CPED1: variants seen among roughly 807,000 people sequenced by gnomAD.
The protein encoded by CPED1 is cadherin-like and PC-esterase domain-containing protein 1.
In CPED1, 114 loss-of-function variants were observed where a neutral mutation model predicts 128.2. That is an observed-to-expected ratio of 0.89 (90% CI 0.76 to 1.04). CPED1 has a LOEUF of 1.04. CPED1 is among the 50% of genes least tolerant of loss of function. The pLI is 0.00. For missense variants in CPED1, 1,211 were observed against 1,207.1 expected, an observed-to-expected ratio of 1.00 and a Z score of -0.05; for synonymous variants, 462 against 426.7, an observed-to-expected ratio of 1.08 and a Z score of -1.02.
intron 16 of CPED1, among the ~76,000 whole-genome samples, chr7:121,190,161 A>G (rs9640799): frequency 0.62 from 94,392 of 151,738 alleles, 29,712 homozygotes; most frequent in East Asian, 0.89. Flanking sequence ...AGTGATGAGA[A>G]AAGCCCATTT....
intron 22 of CPED1, among the ~76,000 whole-genome samples, chr7:121,273,337 C>T (rs913049170): frequency 6.6e-6 from 1 of 151,930 alleles, no homozygotes; most frequent in African/African-American, 2.4e-5. Flanking sequence ...AGCCTGCCAG[C>T]ATGGTGAAAC....
chr7:121,093,592 C>T (rs1663726805), intron 5 of CPED1, among the ~76,000 whole-genome samples: 1 of 152,156 alleles, frequency 6.6e-6, no homozygotes, highest in Non-Finnish European at 1.5e-5. Context: ...ACTGCATCCA[C>T]AGGGCAACCT....
intron 4 of CPED1, among the ~76,000 whole-genome samples, chr7:121,055,707 A>T (rs1429252117): frequency 6.6e-6 from 1 of 151,794 alleles, no homozygotes; most frequent in Non-Finnish European, 1.5e-5. Context: ...CAAGGCCCAT[A>T]GTCAATACTT....
At position 121,265,780 on chromosome 7, in the gene CPED1, G is replaced by A. The variant is rs117640281; in HGVS notation, c.2311-447G>A. Among the ~76,000 whole-genome samples, 1,242 of 152,120 alleles carry A rather than the reference G, an allele frequency of 8.2e-3. 7 individuals are homozygous for A. Among genetic ancestry groups the A allele is most frequent in the Non-Finnish European group, 0.014 (932 of 67,954 alleles). On this transcript the variant is annotated intron_variant, in intron 18 of 22. Transcript: ENST00000310396. ...CAGAAAATTAGATTCTGGTTCTGTGGTTCTTTCGTCAAGTAGACACGACCT... is the reference window on the plus strand; with the variant it reads ...CAGAAAATTAGATTCTGGTTCTGTGATTCTTTCGTCAAGTAGACACGACCT...
intron 2 of CPED1, among the ~76,000 whole-genome samples, chr7:120,996,571 CT>C (rs1178439385): frequency 2.6e-5 from 4 of 152,072 alleles, no homozygotes; most frequent in African/African-American, 9.7e-5. Context: ...CATGGTGCTC[CT>C]TTTTTAGCTC....
chr7:121,086,496 A>G (rs1267310110), intron 5 of CPED1, among the ~76,000 whole-genome samples: 1 of 152,216 alleles, frequency 6.6e-6, no homozygotes, highest in Non-Finnish European at 1.5e-5. Flanking sequence ...GAAAGTATAC[A>G]AACTGGAAAG....
chr7:121,112,105 C>T (rs925531631), intron 7 of CPED1, among the ~76,000 whole-genome samples: 3 of 152,070 alleles, frequency 2.0e-5, no homozygotes, highest in African/African-American at 7.2e-5. Context: ...TACACAGTGG[C>T]AGTTTCAGGA....
intron 18 of CPED1, among the ~76,000 whole-genome samples, chr7:121,256,730 G>T (rs2116724078): frequency 6.6e-6 from 1 of 151,944 alleles, no homozygotes; most frequent in East Asian, 1.9e-4. Context: ...CCTTCCCAAA[G>T]GAAATAAATT....
chr7:121,139,642 T>C (rs1478851621), intron 14 of CPED1, among the ~76,000 whole-genome samples: 2 of 152,090 alleles, frequency 1.3e-5, no homozygotes, highest in Non-Finnish European at 2.9e-5. Flanking sequence ...GTTTGCCTTA[T>C]TGGGAGCTTG....
At chr7:121,049,139 A>C (rs903800078) in intron 4 of CPED1, among the ~76,000 whole-genome samples, 3 of 152,212 alleles carry the variant, frequency 2.0e-5, no homozygotes, top group African/African-American at 4.8e-5. Context: ...TGCCATACTC[A>C]TAAAGATGTA....
chr7:121,291,348 T>G (rs1335810001), intron 22 of CPED1, among the ~76,000 whole-genome samples: 1 of 152,258 alleles, frequency 6.6e-6, no homozygotes, highest in Non-Finnish European at 1.5e-5. Context: ...AAGTCAATGG[T>G]TCCTTGATGG....
intron 4 of CPED1, among the ~76,000 whole-genome samples, chr7:121,049,385 T>A (rs933697129): frequency 7.2e-5 from 11 of 152,320 alleles, no homozygotes; most frequent in African/African-American, 2.6e-4. Context: ...TTTTGCCATA[T>A]CACAGACCTG....
chr7:120,992,213 G>A (rs1035122524), intron 2 of CPED1, among the ~76,000 whole-genome samples: 3 of 152,094 alleles, frequency 2.0e-5, no homozygotes, highest in African/African-American at 7.2e-5. Context: ...TGAAAACCTA[G>A]AATTAGCTTT....
At chr7:121,066,606 A>G (rs1014873489) in intron 5 of CPED1, among the ~76,000 whole-genome samples, 3 of 42,842 alleles carry the variant, frequency 7.0e-5, no homozygotes, top group African/African-American at 1.2e-4. Flanking sequence ...AAAACTGTGA[A>G]GATCTTACCC....
At chr7:121,066,171 C>T (rs1435521864) in intron 5 of CPED1, among the ~76,000 whole-genome samples, 1 of 152,026 alleles carries the variant, frequency 6.6e-6, no homozygotes, top group Non-Finnish European at 1.5e-5. Context: ...AAACATAATA[C>T]TATATAATCT....
At chr7:121,272,625 A>G (rs113204702) in intron 22 of CPED1, among the ~76,000 whole-genome samples, 2 of 152,188 alleles carry the variant, frequency 1.3e-5, no homozygotes, top group African/African-American at 4.8e-5. Context: ...AGAAATATAT[A>G]TATTTGATCT....
chr7:121,284,432 A>G (rs781616080), intron 22 of CPED1, among the ~76,000 whole-genome samples: 1 of 152,086 alleles, frequency 6.6e-6, no homozygotes, highest in African/African-American at 2.4e-5. Flanking sequence ...CAGTCCCCCA[A>G]AGTCTTAGCT....
intron 16 of CPED1, among the ~76,000 whole-genome samples, chr7:121,231,596 G>A (rs1259701087): frequency 6.6e-6 from 1 of 152,094 alleles, no homozygotes; most frequent in East Asian, 1.9e-4. Flanking sequence ...CGGCGTCACT[G>A]ACAGGTATGT....
intron 16 of CPED1, among the ~76,000 whole-genome samples, chr7:121,223,237 C>T (rs1424869942): frequency 6.6e-6 from 1 of 152,156 alleles, no homozygotes; most frequent in African/African-American, 2.4e-5. Context: ...GTCATTGGTT[C>T]TGTTTATGTG....
Sources: gnomAD v4.1 joint callset for allele counts (sites outside exome capture counted in the v4.1 genomes callset) on GRCh38, gnomAD v4.1.1 for gene constraint, MANE v1.5 for transcripts, NCBI Gene and HGNC (gene_info 2026-07-23, HGNC 2026-07-21) for gene names.